Variants in CYP4X1 observed in about 807,000 individuals in gnomAD.
CYP4X1 encodes the protein cytochrome P450 4X1.
A neutral mutation model predicts 57.9 loss-of-function variants in CYP4X1; 44 were observed. That is an observed-to-expected ratio of 0.76 (90% CI 0.60 to 0.98). CYP4X1 has a LOEUF of 0.98. Ranked by LOEUF, CYP4X1 falls within the 50% of genes least tolerant of loss-of-function variation. The pLI is 0.00. For synonymous variants in CYP4X1, 227 were observed against 228.6 expected (o/e 0.99, Z 0.06); for missense variants, 532 against 623.9 (o/e 0.85, Z 1.57).
the CYP4X1 span, among the ~76,000 whole-genome samples, chr1:47,012,556 A>G: frequency 6.6e-6 from 1 of 152,174 alleles, no homozygotes; most frequent in African/African-American, 2.4e-5. Flanking sequence ...TTAAAGTATA[A>G]TAATAAAAAA....
chr1:47,035,344 T>C (rs1025235748), intron 4 of CYP4X1, among the ~76,000 whole-genome samples: 1 of 152,054 alleles, frequency 6.6e-6, no homozygotes, highest in African/African-American at 2.4e-5. Flanking sequence ...TTTCTCACTT[T>C]TGAATCCAAA....
At chr1:46,988,546 C>T in the CYP4X1 span, among the ~76,000 whole-genome samples, 1 of 152,102 alleles carries the variant, frequency 6.6e-6, no homozygotes, top group African/African-American at 2.4e-5. Flanking sequence ...AGGCCAGTAT[C>T]ATCGTAATAC....
chr1:47,022,541 G>A (rs1002040300), upstream of CYP4X1, among the ~76,000 whole-genome samples: 27 of 151,884 alleles, frequency 1.8e-4, no homozygotes, highest in Non-Finnish European at 2.9e-4. Flanking sequence ...CGCCCGCCTC[G>A]GCCTCCCAAA....
chr1:47,051,910 G>C (rs1452454489), downstream of CYP4X1, among the ~76,000 whole-genome samples: 3 of 150,364 alleles, frequency 2.0e-5, no homozygotes, highest in African/African-American at 7.3e-5. Flanking sequence ...TGGAAAAATG[G>C]GTTAGGTTAG....
At chr1:46,970,911 G>T in the CYP4X1 span, among the ~76,000 whole-genome samples, 1 of 152,042 alleles carries the variant, frequency 6.6e-6, no homozygotes, top group Non-Finnish European at 1.5e-5. Flanking sequence ...TTGAAATTTT[G>T]TTGTCCATTA....
the CYP4X1 span, chr1:47,002,850 C>A: frequency 6.6e-6 from 1 of 152,202 alleles, no homozygotes; most frequent in African/African-American, 2.4e-5. Context: ...CCCACTGCAT[C>A]TAAACAATTT....
At chr1:47,000,832 AAAG>A in the CYP4X1 span, 1 of 153,550 alleles carries the variant, frequency 6.5e-6, no homozygotes, top group Non-Finnish European at 1.5e-5. Context: ...GGGTGGATAG[AAAG>A]AAGGATATAG....
chr1:47,049,524 G>T lies in CYP4X1; in HGVS notation c.1355+20G>T, dbSNP rs372992308. ...ATCAAGGTGAGAACAATTTGAAGTTGCTGAAAGTACCCAAAGATGTTTACT... is the reference window on the plus strand; with the variant it reads ...ATCAAGGTGAGAACAATTTGAAGTTTCTGAAAGTACCCAAAGATGTTTACT... On this transcript the variant is annotated intron_variant, in intron 11 of 11. Coordinates refer to ENST00000371901, the MANE Select transcript of CYP4X1 (RefSeq NM_178033.2). The T allele has an allele frequency of 3.7e-6, 6 of 1,605,394 alleles. No individual in the cohort carries two copies. The African/African-American group carries it at 8.0e-5, about 21-fold the overall frequency.
chr1:47,039,552 AT>A lies in CYP4X1; in HGVS notation c.1073+24del. The stretch of plus-strand genomic sequence containing the variant: ...CACTTGGTAAGATCTGCACCCCTAA[AT>A]TTTCCTGCTAGTTTTCCCCCTGAGA... On this transcript the variant is annotated intron_variant, in intron 8 of 11. Transcript: ENST00000371901. The A allele has an allele frequency of 2.3e-5, 35 of 1,553,612 alleles. No homozygotes were observed. Among genetic ancestry groups the A allele is most frequent in the Non-Finnish European group, 2.9e-5 (34 of 1,153,048 alleles).
chr1:47,016,376 C>G, the CYP4X1 span, among the ~76,000 whole-genome samples: 3 of 146,644 alleles, frequency 2.0e-5, no homozygotes, highest in Non-Finnish European at 1.5e-5. Context: ...GAGTCTTGCT[C>G]TGTTGCCCAG....
the CYP4X1 span, among the ~76,000 whole-genome samples, chr1:46,983,154 G>T: frequency 6.6e-6 from 1 of 152,176 alleles, no homozygotes; most frequent in Non-Finnish European, 1.5e-5. Context: ...CAGGCTCTTT[G>T]TTCCTTCCCC....
downstream of CYP4X1, among the ~76,000 whole-genome samples, chr1:47,053,838 G>A (rs1040705467): frequency 2.6e-5 from 4 of 152,256 alleles, no homozygotes; most frequent in East Asian, 1.9e-4. Context: ...AGATGAGTAG[G>A]TTGCAAAAAT....
chr1:47,041,367 G>A (rs74671148), intron 8 of CYP4X1, among the ~76,000 whole-genome samples: 180 of 151,300 alleles, frequency 1.2e-3, no homozygotes, highest in African/African-American at 3.7e-3. Context: ...AGGAAACTCC[G>A]TACAATTTTC....
chr1:46,967,398 A>G, the CYP4X1 span, among the ~76,000 whole-genome samples: 2 of 152,210 alleles, frequency 1.3e-5, no homozygotes, highest in Admixed American at 1.3e-4. Flanking sequence ...AGGCAGAAGG[A>G]ATAAGAAAGA....
chr1:47,038,846 G>T (rs1644214248), intron 7 of CYP4X1, 80 bp downstream of exon 7: 1 of 1,109,198 alleles, frequency 9.0e-7, no homozygotes, highest in African/African-American at 1.6e-5. Flanking sequence ...ATGGGATGGG[G>T]AGACAAGAAT....
chr1:46,981,366 A>C, the CYP4X1 span, among the ~76,000 whole-genome samples: 4 of 152,318 alleles, frequency 2.6e-5, no homozygotes, highest in Non-Finnish European at 4.4e-5. Context: ...ATGCAGCCAA[A>C]AGACACATGA....
chr1:47,053,867 T>C (rs1020030276), downstream of CYP4X1, among the ~76,000 whole-genome samples: 2 of 152,202 alleles, frequency 1.3e-5, no homozygotes, highest in African/African-American at 4.8e-5. Flanking sequence ...ATTCTGTAGG[T>C]TGCCCATTCA....
chr1:47,048,448 G>A (rs2148516854), intron 9 of CYP4X1, 117 bp from the exon 10 acceptor site: 1 of 1,077,938 alleles, frequency 9.3e-7, no homozygotes, highest in Non-Finnish European at 1.4e-6. Flanking sequence ...GCTACAGCAG[G>A]CAGAGCATTG....
the CYP4X1 span, among the ~76,000 whole-genome samples, chr1:47,009,785 C>G: frequency 1.3e-5 from 2 of 152,230 alleles, no homozygotes; most frequent in African/African-American, 4.8e-5. Flanking sequence ...ATAAACACTT[C>G]TATGCAAATA....
Sources: allele counts gnomAD v4.1 joint callset (sites outside exome capture counted in the v4.1 genomes callset), GRCh38; gene constraint gnomAD v4.1.1; transcripts MANE v1.5; gene names NCBI Gene and HGNC (gene_info 2026-07-23, HGNC 2026-07-21).